TRIM64B: variants seen among roughly 807,000 people sequenced by gnomAD.
TRIM64B encodes the protein tripartite motif containing 64B.
For synonymous variants in TRIM64B, 17 were observed against 190.3 expected (o/e 0.09, Z 7.50); for missense variants, 57 against 536.4 (o/e 0.11, Z 8.83).
At chr11:89,872,722 G>A (rs367930794) in intron 4 of TRIM64B, among the ~76,000 whole-genome samples, 1 of 151,746 alleles carries the variant, frequency 6.6e-6, no homozygotes, top group African/African-American at 2.4e-5. Flanking sequence ...GAGGCAAAAG[G>A]CTTTAATCTT....
In TRIM64B at chr11:89,872,261, A is replaced by G. The variant is rs367680729; in HGVS notation, c.810T>C (p.Thr270=). 60 of 1,531,316 alleles carry G rather than the reference A, an allele frequency of 3.9e-5. 1 individual carries two copies. The East Asian group carries it at 4.9e-4, about 13-fold the overall frequency. 94.9% of individuals were successfully genotyped at this position (1,531,316 alleles called of 1,614,324 possible). ...CTAGGACTCCAGTTATGCACCATGA[A>G]GTGAGCTCTGGGTTCACTGGCTGGG... Residue 270 remains threonine, a synonymous_variant, in exon 5 of 6, where the codon ACT becomes ACC. Transcript: ENST00000329862.
chr11:89,876,451 C>G (rs868454932), upstream of TRIM64B, among the ~76,000 whole-genome samples: 3 of 149,446 alleles, frequency 2.0e-5, no homozygotes, highest in South Asian at 6.3e-4. Context: ...TGGCAGGGCG[C>G]GGTACTCATG....
At chr11:89,872,302 C>G (rs1950118238) in exon 5 of TRIM64B, 1 of 1,534,406 alleles carries the variant, frequency 6.5e-7, no homozygotes. Context: ...TGCATCTGTG[C>G]CAAATCAGTC....
chr11:89,873,600 CAG>C (rs1950134160), intron 3 of TRIM64B, among the ~76,000 whole-genome samples: 1 of 93,044 alleles, frequency 1.1e-5, no homozygotes, highest in Non-Finnish European at 2.1e-5. Context: ...TAAAACAAAA[CAG>C]AGAACCATAT....
chr11:89,875,375 C>A (rs1463870764), intron 1 of TRIM64B, among the ~76,000 whole-genome samples: 1 of 152,304 alleles, frequency 6.6e-6, no homozygotes, highest in Non-Finnish European at 1.5e-5. Context: ...CAGCTCCATT[C>A]TACACGTTTG....
At chr11:89,871,457 G>A (rs1716412769) in intron 5 of TRIM64B, among the ~76,000 whole-genome samples, 1 of 152,114 alleles carries the variant, frequency 6.6e-6, no homozygotes, top group Admixed American at 6.5e-5. Flanking sequence ...ATCATCAACA[G>A]GTAGACATCA....
chr11:89,875,156 T>C, intron 1 of TRIM64B, 83 bp from the exon 3 acceptor site: 2 of 1,503,816 alleles, frequency 1.3e-6, no homozygotes, highest in East Asian at 2.5e-5. Context: ...AAGGCTGTAA[T>C]TGAAAGAAAC....
At chr11:89,870,963 G>T (rs1950101152) in exon 6 of TRIM64B, 1 of 1,550,840 alleles carries the variant, frequency 6.4e-7, no homozygotes, top group Admixed American at 2.0e-5. Flanking sequence ...GCTTGCCGGA[G>T]GTGAATGCTT....
At chr11:89,872,870 G>C (rs150534749) in intron 4 of TRIM64B, among the ~76,000 whole-genome samples, 1 of 151,378 alleles carries the variant, frequency 6.6e-6, no homozygotes, top group African/African-American at 2.4e-5. Context: ...GCTTTTAGGA[G>C]CAAAACATCC....
upstream of TRIM64B, among the ~76,000 whole-genome samples, chr11:89,877,764 T>C (rs1950174421): frequency 6.7e-6 from 1 of 149,438 alleles, no homozygotes; most frequent in Non-Finnish European, 1.5e-5. Flanking sequence ...GTATTACAGG[T>C]GCCCACCACC....
intron 4 of TRIM64B, among the ~76,000 whole-genome samples, 174 bp from the exon 6 acceptor site, chr11:89,872,486 C>CTT (rs1565458672): frequency 6.6e-6 from 1 of 151,786 alleles, no homozygotes; most frequent in African/African-American, 2.4e-5. Context: ...TTTTTCTAAA[C>CTT]TTTGCTTCCA....
chr11:89,875,575 T>C (rs1950154841), intron 1 of TRIM64B, 35 bp downstream of exon 2: 1 of 1,345,680 alleles, frequency 7.4e-7, no homozygotes, highest in Non-Finnish European at 1.0e-6. Context: ...TTTGGGATTC[T>C]GTATAATTCA....
upstream of TRIM64B, among the ~76,000 whole-genome samples, chr11:89,876,415 A>G (rs201661840): frequency 2.0e-5 from 3 of 149,124 alleles, 1 homozygote; most frequent in East Asian, 6.0e-4. Flanking sequence ...TAGGAACAGC[A>G]AGAAGATTAA....
upstream of TRIM64B, among the ~76,000 whole-genome samples, chr11:89,876,451 C>A (rs868454932): frequency 2.7e-5 from 4 of 149,568 alleles, no homozygotes; most frequent in Middle Eastern, 3.6e-3. Flanking sequence ...TGGCAGGGCG[C>A]GGTACTCATG....
intron 1 of TRIM64B, among the ~76,000 whole-genome samples, chr11:89,875,409 C>T (rs111584426): frequency 6.7e-6 from 1 of 148,276 alleles, no homozygotes; most frequent in Non-Finnish European, 1.5e-5. Context: ...AGGAGACCTC[C>T]TTTAGTGAAG....
At chr11:89,877,765 G>A (rs1950174433), upstream of TRIM64B, among the ~76,000 whole-genome samples, 1 of 149,424 alleles carries the variant, frequency 6.7e-6, no homozygotes, top group Non-Finnish European at 1.5e-5. Context: ...TATTACAGGT[G>A]CCCACCACCA....
intron 4 of TRIM64B, among the ~76,000 whole-genome samples, chr11:89,872,728 A>G (rs1267578488): frequency 4.0e-5 from 6 of 151,898 alleles, no homozygotes; most frequent in African/African-American, 1.5e-4. Flanking sequence ...AAAGGCTTTA[A>G]TCTTTTGTGC....
upstream of TRIM64B, among the ~76,000 whole-genome samples, chr11:89,878,035 G>T (rs1404048256): frequency 2.7e-5 from 4 of 147,604 alleles, no homozygotes; most frequent in East Asian, 2.0e-4. Flanking sequence ...CATTTTTAAC[G>T]TTCGCTTTGG....
chr11:89,875,515 A>C, intron 1 of TRIM64B, 95 bp downstream of exon 2: 1 of 1,398,502 alleles, frequency 7.2e-7, no homozygotes, highest in Non-Finnish European at 9.5e-7. Flanking sequence ...CACCACCTCC[A>C]CCATCTGCAT....
Sources: gnomAD v4.1 joint callset for allele counts (sites outside exome capture counted in the v4.1 genomes callset) on GRCh38, gnomAD v4.1.1 for gene constraint, MANE v1.5 for transcripts, NCBI Gene and HGNC (gene_info 2026-07-23, HGNC 2026-07-21) for gene names.